OPN5: variants seen among roughly 807,000 people sequenced by gnomAD.
OPN5 encodes opsin-5.
In OPN5, 18 loss-of-function variants were observed where a neutral mutation model predicts 41.7. The ratio of observed to expected loss-of-function variants is 0.43; its 90% confidence interval spans 0.30 to 0.64. The LOEUF (loss-of-function observed/expected upper bound fraction) is 0.64, where lower values mean the gene tolerates loss of function less well. Among genes scored for constraint, OPN5 ranks in the 30% least tolerant of loss-of-function variants. OPN5 has a pLI of 0.13. For missense variants in OPN5, 318 were observed against 434.5 expected, an observed-to-expected ratio of 0.73 and a Z score of 2.38; for synonymous variants, 178 against 164.3, an observed-to-expected ratio of 1.08 and a Z score of -0.64.
At chr6:47,822,929 C>CT (rs1353161127) in intron 6 of OPN5, among the ~76,000 whole-genome samples, 1 of 152,224 alleles carries the variant, frequency 6.6e-6, no homozygotes, top group Non-Finnish European at 1.5e-5. Flanking sequence ...TGGGATAAGA[C>CT]TTTCCTCTCC....
intron 4 of OPN5, among the ~76,000 whole-genome samples, chr6:47,805,561 C>T (rs190204386): frequency 4.6e-5 from 7 of 152,058 alleles, no homozygotes; most frequent in East Asian, 1.9e-4. Context: ...ACCACAGAGG[C>T]GGGTTCCTAG....
At chr6:47,797,815 C>T (rs1773625534) in intron 4 of OPN5, among the ~76,000 whole-genome samples, 1 of 152,112 alleles carries the variant, frequency 6.6e-6, no homozygotes, top group African/African-American at 2.4e-5. Context: ...TCAGTTTCTC[C>T]CAGTTTGTTA....
chr6:47,819,137 G>T (rs1353085201), intron 6 of OPN5, among the ~76,000 whole-genome samples: 2 of 151,426 alleles, frequency 1.3e-5, no homozygotes, highest in Non-Finnish European at 2.9e-5. Flanking sequence ...AAATTTGTTT[G>T]TCAAAAAAAT....
At chr6:47,803,768 C>G (rs766254641) in intron 4 of OPN5, among the ~76,000 whole-genome samples, 1 of 152,176 alleles carries the variant, frequency 6.6e-6, no homozygotes, top group African/African-American at 2.4e-5. Context: ...GAGAGGAGCT[C>G]GGCACCCCCT....
intron 4 of OPN5, among the ~76,000 whole-genome samples, chr6:47,799,230 A>G (rs1773679228): frequency 1.4e-5 from 2 of 147,974 alleles, no homozygotes; most frequent in East Asian, 3.9e-4. Flanking sequence ...ACACACACAC[A>G]CATGATATAC....
At chr6:47,822,563 T>C (rs1446973463) in intron 6 of OPN5, among the ~76,000 whole-genome samples, 2 of 152,196 alleles carry the variant, frequency 1.3e-5, no homozygotes, top group East Asian at 1.9e-4. Context: ...TTTAGTTCCA[T>C]AGAAACTCAA....
intron 6 of OPN5, among the ~76,000 whole-genome samples, chr6:47,813,824 A>C (rs1762343026): frequency 6.6e-6 from 1 of 152,128 alleles, no homozygotes; most frequent in East Asian, 1.9e-4. Flanking sequence ...ATGGATGAAG[A>C]AGAGTTGAGG....
At chr6:47,801,211 C>G (rs948924091) in intron 4 of OPN5, among the ~76,000 whole-genome samples, 1 of 152,098 alleles carries the variant, frequency 6.6e-6, no homozygotes, top group Non-Finnish European at 1.5e-5. Context: ...GACCCTACAG[C>G]GTGGCACCTG....
At chr6:47,791,891 T>G (rs778478489) in exon 3 of OPN5, 1 of 1,614,030 alleles carries the variant, frequency 6.2e-7, no homozygotes, top group Admixed American at 1.7e-5. Context: ...ATGGGCTGGA[T>G]TTTTCTTTGG....
At chr6:47,820,650 G>C (rs780618167) in intron 6 of OPN5, among the ~76,000 whole-genome samples, 4 of 152,146 alleles carry the variant, frequency 2.6e-5, no homozygotes, top group Non-Finnish European at 5.9e-5. Context: ...GATAGCATCT[G>C]AGGATAAATT....
At chr6:47,823,501 ACT>A (rs1407298097) in intron 6 of OPN5, 1 of 159,738 alleles carries the variant, frequency 6.3e-6, no homozygotes, top group Non-Finnish European at 1.4e-5. Context: ...AATATGGTAA[ACT>A]CTACTGCACA....
chr6:47,820,086 C>G (rs945636359), intron 6 of OPN5, among the ~76,000 whole-genome samples: 1 of 151,966 alleles, frequency 6.6e-6, no homozygotes, highest in Non-Finnish European at 1.5e-5. Context: ...GGAACACAAC[C>G]ATGCCCACTT....
At chr6:47,820,431 C>A (rs567797335) in intron 6 of OPN5, among the ~76,000 whole-genome samples, 11 of 152,296 alleles carry the variant, frequency 7.2e-5, no homozygotes, top group Admixed American at 5.9e-4. Context: ...CCGATTTATT[C>A]TGTATGTAGA....
At chr6:47,782,154 T>C in exon 1 of OPN5, 1 of 1,613,820 alleles carries the variant, frequency 6.2e-7, no homozygotes, top group Non-Finnish European at 8.5e-7. Context: ...CAAACTTTCT[T>C]GGGAAGCGGA....
intron 6 of OPN5, among the ~76,000 whole-genome samples, chr6:47,822,421 A>G (rs1293935806): frequency 2.0e-5 from 3 of 152,148 alleles, no homozygotes; most frequent in Non-Finnish European, 4.4e-5. Flanking sequence ...TGAGATAGAG[A>G]ATATTTTCCT....
At chr6:47,823,066 A>G (rs768821787) in intron 6 of OPN5, among the ~76,000 whole-genome samples, 1 of 152,222 alleles carries the variant, frequency 6.6e-6, no homozygotes, top group Non-Finnish European at 1.5e-5. Flanking sequence ...TGAAAAGAAC[A>G]TAGCTAAGAG....
At chr6:47,824,261 A>C (rs1320202468) in exon 7 of OPN5, 1 of 495,956 alleles carries the variant, frequency 2.0e-6, no homozygotes, top group East Asian at 3.1e-5. Context: ...TGCAGTGCAC[A>C]CCTCGGTCTC....
At chr6:47,816,291 A>G (rs1762428477) in intron 6 of OPN5, among the ~76,000 whole-genome samples, 1 of 152,132 alleles carries the variant, frequency 6.6e-6, no homozygotes, top group Non-Finnish European at 1.5e-5. Flanking sequence ...CTTTAATTGT[A>G]ATAGTTTTTA....
chr6:47,788,297 C>G (rs1395183131), intron 2 of OPN5, among the ~76,000 whole-genome samples: 2 of 152,224 alleles, frequency 1.3e-5, no homozygotes, highest in Non-Finnish European at 2.9e-5. Context: ...GGTGCTCTAC[C>G]TGGTATTGAG....
Sources: allele counts gnomAD v4.1 joint callset (sites outside exome capture counted in the v4.1 genomes callset), GRCh38; gene constraint gnomAD v4.1.1; transcripts MANE v1.5; gene names NCBI Gene and HGNC (gene_info 2026-07-23, HGNC 2026-07-21).